Variants in C12orf42 observed in about 807,000 individuals in gnomAD.
The protein encoded by C12orf42 is uncharacterized protein C12orf42.
A neutral mutation model predicts 21.6 loss-of-function variants in C12orf42; 25 were observed. The observed-to-expected ratio is 1.16, with a 90% CI of 0.84 to 1.62. The LOEUF is 1.62. Among genes scored for constraint, C12orf42 ranks in the 40% most tolerant of loss-of-function variants. C12orf42 has a pLI of 0.00. For synonymous variants in C12orf42, 174 were observed against 175.0 expected, an observed-to-expected ratio of 0.99 and a Z score of 0.05; for missense variants, 483 against 459.3, an observed-to-expected ratio of 1.05 and a Z score of -0.47.
chr12:103,371,971 C>T (rs181143477), intron 3 of C12orf42, among the ~76,000 whole-genome samples: 289 of 152,266 alleles, frequency 1.9e-3, no homozygotes, highest in African/African-American at 6.6e-3. Flanking sequence ...CTTTCTTACT[C>T]TGAAGCCCAT....
chr12:103,340,321 C>T (rs2042056789), intron 4 of C12orf42, among the ~76,000 whole-genome samples: 1 of 152,206 alleles, frequency 6.6e-6, no homozygotes, highest in Admixed American at 6.5e-5. Context: ...AGTGGGAACT[C>T]AAGTAGGGCC....
At chr12:103,496,898 C>G (rs1317199173), upstream of C12orf42, among the ~76,000 whole-genome samples, 1 of 151,582 alleles carries the variant, frequency 6.6e-6, no homozygotes, top group Non-Finnish European at 1.5e-5. Context: ...CTTGGGAAGC[C>G]AACAGCCTTT....
intron 1 of C12orf42, among the ~76,000 whole-genome samples, chr12:103,478,785 TG>T (rs887095224): frequency 5.3e-5 from 8 of 152,114 alleles, no homozygotes; most frequent in South Asian, 2.1e-4. Flanking sequence ...TTGGGGGAAG[TG>T]GGGGTTGCAC....
the C12orf42 span, among the ~76,000 whole-genome samples, chr12:103,185,111 G>A: frequency 2.0e-5 from 3 of 152,134 alleles, no homozygotes; most frequent in Non-Finnish European, 4.4e-5. Context: ...AAGGGTATGG[G>A]ATAAATGAGT....
chr12:103,079,249 C>T, the C12orf42 span, among the ~76,000 whole-genome samples: 2 of 151,986 alleles, frequency 1.3e-5, no homozygotes, highest in Non-Finnish European at 2.9e-5. Flanking sequence ...GGTAAAATCC[C>T]AAGGCACTCA....
chr12:103,281,171 C>T (rs187595269), intron 4 of C12orf42, among the ~76,000 whole-genome samples: 17 of 152,294 alleles, frequency 1.1e-4, no homozygotes, highest in Middle Eastern at 3.4e-3. Context: ...ATTCTTTACA[C>T]AGAATTGCAA....
Position 103,416,045 on chromosome 12 carries a change from T to TTTA in C12orf42, c.79-14371_79-14370insTAA, listed in dbSNP as rs5800587. Among the ~76,000 whole-genome samples the TTTA allele has an allele frequency of 3.3e-5, 5 of 151,542 alleles. No homozygotes were observed. The East Asian group carries it at 9.7e-4, about 29-fold the overall frequency. ...TCTTTGTTTAGTGGGTTTTTTTTTT[T>TTTA]ATTGGCCTTTCTGCAACTGAGTGTG... is the stretch of plus-strand genomic sequence containing the variant. On this transcript the variant is annotated intron_variant, in intron 2 of 5. Coordinates refer to ENST00000548883, the MANE Select transcript of C12orf42 (RefSeq NM_198521.5).
At chr12:103,205,755 T>C in the C12orf42 span, among the ~76,000 whole-genome samples, 1 of 152,060 alleles carries the variant, frequency 6.6e-6, no homozygotes, top group Admixed American at 6.6e-5. Flanking sequence ...TGAATTGGGG[T>C]ATAATCATAA....
At chr12:103,078,101 T>G in the C12orf42 span, among the ~76,000 whole-genome samples, 1 of 152,212 alleles carries the variant, frequency 6.6e-6, no homozygotes, top group Admixed American at 6.5e-5. Context: ...TCTGACATTA[T>G]ATGGATCTTC....
At chr12:103,158,874 A>C in the C12orf42 span, among the ~76,000 whole-genome samples, 1 of 56,172 alleles carries the variant, frequency 1.8e-5, no homozygotes, top group Non-Finnish European at 3.0e-5. Context: ...AGCAAGACTC[A>C]AAAAAAAAAA....
the C12orf42 span, among the ~76,000 whole-genome samples, chr12:103,158,180 A>G: frequency 6.6e-6 from 1 of 152,292 alleles, no homozygotes; most frequent in South Asian, 2.1e-4. Context: ...CCAATGTCTG[A>G]TGAGATGAAT....
At chr12:103,478,582 AATT>A in intron 1 of C12orf42, 135 bp from the exon 2 acceptor site, 1 of 403,874 alleles carries the variant, frequency 2.5e-6, no homozygotes, top group Non-Finnish European at 4.3e-6. Flanking sequence ...GACTTTCAAT[AATT>A]TTTTTTTTTT....
chr12:103,451,631 A>T (rs1208771951), intron 2 of C12orf42, among the ~76,000 whole-genome samples: 1 of 152,062 alleles, frequency 6.6e-6, no homozygotes, highest in Non-Finnish European at 1.5e-5. Flanking sequence ...TATTATCTAC[A>T]GTTTGGGGCA....
chr12:103,356,872 G>T lies in C12orf42; in HGVS notation c.259+12015C>A, dbSNP rs1247713818. 2.6e-5 allele frequency among the ~76,000 whole-genome samples: 4 copies of T among 151,344 alleles called. No individual in the cohort carries two copies. The East Asian group carries it at 7.8e-4, about 29-fold the overall frequency. ...CCTTCGCCCACTTTTTGATGGGGTT[G>T]TTTGTTTTTTTCTTGTAAATTTGTT... On this transcript the variant is annotated intron_variant, in intron 4 of 5. Transcript: ENST00000548883.
chr12:103,304,921 T>G (rs1420966651), intron 5 of C12orf42, among the ~76,000 whole-genome samples: 1 of 152,192 alleles, frequency 6.6e-6, no homozygotes, highest in East Asian at 1.9e-4. Context: ...AATCTATCTC[T>G]TGTCTTCTGG....
chr12:103,213,796 A>G, the C12orf42 span, among the ~76,000 whole-genome samples: 2 of 152,220 alleles, frequency 1.3e-5, no homozygotes. Flanking sequence ...ACCATGGACT[A>G]TGAGTCCCCC....
the C12orf42 span, among the ~76,000 whole-genome samples, chr12:103,221,141 G>C: frequency 6.6e-6 from 1 of 152,212 alleles, no homozygotes; most frequent in Non-Finnish European, 1.5e-5. Context: ...TTTGAAATAA[G>C]CTGAGAGAAA....
chr12:103,465,889 T>G (rs1472781701), intron 2 of C12orf42, among the ~76,000 whole-genome samples: 2 of 152,230 alleles, frequency 1.3e-5, no homozygotes, highest in African/African-American at 4.8e-5. Flanking sequence ...GTTTAGGTAA[T>G]GAATTATGTA....
downstream of C12orf42, chr12:103,237,542 G>A (rs1375827290): frequency 6.6e-6 from 1 of 152,182 alleles, no homozygotes; most frequent in Non-Finnish European, 1.5e-5. Flanking sequence ...CATAGCAGGT[G>A]TATTGGTTAG....
Sources: allele counts gnomAD v4.1 joint callset (sites outside exome capture counted in the v4.1 genomes callset), GRCh38; gene constraint gnomAD v4.1.1; transcripts MANE v1.5; gene names NCBI Gene and HGNC (gene_info 2026-07-23, HGNC 2026-07-21).